The following ABCC9 variants were observed in gnomAD, a reference collection of about 807,000 sequenced individuals.
ABCC9 encodes ATP-binding cassette sub-family C member 9.
ABCC9 carries 95 observed loss-of-function variants against 188.3 expected under a neutral mutation model. The observed-to-expected ratio is 0.50, with a 90% CI of 0.43 to 0.60. The LOEUF (loss-of-function observed/expected upper bound fraction) is 0.60. Ranked by LOEUF, ABCC9 falls within the 20% of genes least tolerant of loss-of-function variation. The pLI, the probability that ABCC9 is intolerant of heterozygous loss-of-function variation, is 0.00. For missense variants in ABCC9, 1,102 were observed against 1,876.3 expected (o/e 0.59, Z 7.62); for synonymous variants, 659 against 652.7 (o/e 1.01, Z -0.15).
At chr12:21,916,812 A>G in intron 6 of ABCC9, 125 bp downstream of exon 6, 1 of 809,562 alleles carries the variant, frequency 1.2e-6, no homozygotes, top group Middle Eastern at 3.4e-4. Flanking sequence ...TCAACTTTAT[A>G]TTTATATATA....
At chr12:21,832,061 T>A (rs2137297407) in intron 30 of ABCC9, among the ~76,000 whole-genome samples, 1 of 152,344 alleles carries the variant, frequency 6.6e-6, no homozygotes, top group Non-Finnish European at 1.5e-5. Context: ...TGTTTCTATT[T>A]GGCAAGAAAC....
chr12:21,912,801 T>C, intron 8 of ABCC9, 71 bp downstream of exon 8: 1 of 1,504,210 alleles, frequency 6.6e-7, no homozygotes, highest in Non-Finnish European at 9.2e-7. Context: ...TAAAACTGCA[T>C]TAATAAAAAG....
chr12:21,906,074 G>A, intron 12 of ABCC9, 52 bp downstream of exon 12: 2 of 1,552,774 alleles, frequency 1.3e-6, no homozygotes, highest in Non-Finnish European at 1.8e-6. Context: ...TAGACTGTTG[G>A]TTATTCTGGT....
rs1379671425 is a variant in ABCC9, at chr12:21,864,429, G to T, written c.2237+10C>A. ...TTCTTATTAAACTCAGGTTAAAATAGAAATAATACCTTCTGGTTGCTTCAA... is the reference window on the plus strand; with the variant it reads ...TTCTTATTAAACTCAGGTTAAAATATAAATAATACCTTCTGGTTGCTTCAA... On this transcript the variant is annotated intron_variant, in intron 19 of 39. Transcript: ENST00000261200. 1 of 1,570,780 alleles carries T rather than the reference G, an allele frequency of 6.4e-7. No homozygotes were observed. Among genetic ancestry groups the T allele is most frequent in the South Asian group, 1.1e-5 (1 of 90,230 alleles).
In ABCC9 at chr12:21,915,651, G is replaced by A; in HGVS notation, c.816+17C>T. 2 of 1,610,580 alleles carry A rather than the reference G, an allele frequency of 1.2e-6. No individual in the cohort carries two copies. The highest frequency in any genetic ancestry group is 1.1e-5 in the South Asian group (1 of 90,820). ...ATTCTCTGTAATTAAGCACATGGAA[G>A]ACAGACGCTAAATCACCTTTTGTTC... On this transcript the variant is annotated intron_variant, in intron 7 of 39. Coordinates refer to ENST00000261200, the MANE Select transcript of ABCC9 (RefSeq NM_020297.4).
At chr12:21,824,856 A>G (rs561302366) in intron 31 of ABCC9, among the ~76,000 whole-genome samples, 1 of 152,038 alleles carries the variant, frequency 6.6e-6, no homozygotes, top group Non-Finnish European at 1.5e-5. Context: ...ATCATTTTTT[A>G]TTGCATGTAT....
rs1941357322 is a variant in ABCC9 at position 21,800,049 on chromosome 12, T to C, written c.*995A>G. ...AAATGTCTAGAAGAGGTAAACTCTT[T>C]CAGCTAGAAATAGACACTTGTTTTA... On this transcript the variant is annotated 3_prime_UTR_variant, in exon 40 of 40. Transcript: ENST00000261200. 6.6e-6 allele frequency: 1 copy of C among 152,190 alleles called. No homozygotes were observed. Among genetic ancestry groups the C allele is most frequent in the Non-Finnish European group, 1.5e-5 (1 of 68,026 alleles). The allele number at this position is 152,190 out of a possible 1,614,324, so 9.4% of individuals were successfully genotyped here.
intron 18 of ABCC9, among the ~76,000 whole-genome samples, chr12:21,872,355 A>G (rs1946123788): frequency 1.3e-5 from 2 of 152,188 alleles, no homozygotes; most frequent in Admixed American, 6.5e-5. Flanking sequence ...TTACCCATTT[A>G]ACTTTAAAAA....
intron 11 of ABCC9, 23 bp downstream of exon 11, chr12:21,908,054 A>G: frequency 6.2e-7 from 1 of 1,609,766 alleles, no homozygotes; most frequent in Non-Finnish European, 8.5e-7. Flanking sequence ...TTTGTAATTA[A>G]GTTTCCAAAA....
At position 21,931,253 on chromosome 12, in the gene ABCC9, C is replaced by T. The variant is rs1949273368; in HGVS notation, c.284+2529G>A. ...CGAGATCTGATGGTTTTTTAAGGGTCTTTTTCCCCTTTGCTCTGCACTTCT... is the reference window on the plus strand; with the variant it reads ...CGAGATCTGATGGTTTTTTAAGGGTTTTTTTCCCCTTTGCTCTGCACTTCT... On this transcript the variant is annotated intron_variant, in intron 4 of 39. Coordinates refer to ENST00000261200, the MANE Select transcript of ABCC9 (RefSeq NM_020297.4). Among the ~76,000 whole-genome samples, 3 of 151,946 alleles carry T rather than the reference C, an allele frequency of 2.0e-5. No homozygotes were observed. In the South Asian group the frequency reaches 6.2e-4, roughly 32 times the overall value.
At chr12:21,889,785 G>T (rs1947061084) in intron 14 of ABCC9, among the ~76,000 whole-genome samples, 1 of 152,036 alleles carries the variant, frequency 6.6e-6, no homozygotes, top group East Asian at 1.9e-4. Context: ...TTGAGAATGG[G>T]GACGACATTC....
chr12:21,937,513 G>A (rs1005788007), intron 2 of ABCC9, among the ~76,000 whole-genome samples: 1 of 152,044 alleles, frequency 6.6e-6, no homozygotes, highest in Admixed American at 6.6e-5. Flanking sequence ...TGGGGATTCC[G>A]GGGCAGAGGA....
chr12:21,807,250 C>T (rs1340014690), intron 38 of ABCC9, 96 bp downstream of exon 38: 2 of 1,529,130 alleles, frequency 1.3e-6, no homozygotes, highest in Non-Finnish European at 1.8e-6. Flanking sequence ...AACAATAGTA[C>T]TGAGGATTCA....
At chr12:21,838,000 A>G in intron 30 of ABCC9, 78 bp downstream of exon 30, 2 of 1,165,318 alleles carry the variant, frequency 1.7e-6, no homozygotes, top group East Asian at 4.7e-5. Context: ...AATGAAAGCA[A>G]TGATCAGTTA....
At chr12:21,925,862 T>C (rs1375175971) in intron 5 of ABCC9, 80 bp downstream of exon 5, 1 of 1,466,874 alleles carries the variant, frequency 6.8e-7, no homozygotes, top group Non-Finnish European at 9.5e-7. Flanking sequence ...CTATTTACCC[T>C]GAGGAAAAAG....
intron 28 of ABCC9, among the ~76,000 whole-genome samples, chr12:21,843,719 C>G (rs1329573793): frequency 6.6e-6 from 1 of 152,202 alleles, no homozygotes; most frequent in Middle Eastern, 3.4e-3. Flanking sequence ...TTCTTCTTTT[C>G]TAATGTGTAT....
rs1239596300 is a variant in ABCC9 at position 21,799,268 on chromosome 12, AAAAG to A, written c.*1772_*1775del. On this transcript the variant is annotated 3_prime_UTR_variant, in exon 40 of 40. Transcript: ENST00000261200. The stretch of plus-strand genomic sequence containing the variant: ...ATATTAAAAAAAAAATTAAAAAAAA[AAAAG>A]AAAAAAAAAAGATTACTTCCATGGG... 6.6e-6 allele frequency: 1 copy of A among 151,796 alleles called. No homozygotes were observed. The highest frequency in any genetic ancestry group is 1.5e-5 in the Non-Finnish European group (1 of 67,968). The allele number at this position is 151,796 out of a possible 1,614,324, so 9.4% of individuals were successfully genotyped here.
At chr12:21,915,488 G>A (rs1948550810) in intron 7 of ABCC9, among the ~76,000 whole-genome samples, 180 bp downstream of exon 7, 1 of 16,884 alleles carries the variant, frequency 5.9e-5, no homozygotes, top group Non-Finnish European at 1.1e-4. Context: ...ATGTGTGTGT[G>A]TGTGTGTGTG....
At chr12:21,864,373 T>C in intron 19 of ABCC9, 66 bp downstream of exon 19, 2 of 1,153,516 alleles carry the variant, frequency 1.7e-6, no homozygotes, top group Non-Finnish European at 2.6e-6. Flanking sequence ...AAAATGAGAT[T>C]AAAGAGATTA....
Sources: allele counts gnomAD v4.1 joint callset (sites outside exome capture counted in the v4.1 genomes callset), GRCh38; gene constraint gnomAD v4.1.1; transcripts MANE v1.5; gene names NCBI Gene and HGNC (gene_info 2026-07-23, HGNC 2026-07-21).